The following LRP1B variants were observed in gnomAD, a reference collection of about 807,000 sequenced individuals.
The protein encoded by LRP1B is low-density lipoprotein receptor-related protein 1B.
A neutral mutation model predicts 556.6 loss-of-function variants in LRP1B; 217 were observed. That is an observed-to-expected ratio of 0.39 (90% CI 0.35 to 0.44). The LOEUF is 0.44. Among genes scored for constraint, LRP1B ranks in the 20% least tolerant of loss-of-function variants. The probability of loss-of-function intolerance (pLI) is 1.00; values close to 1 mark genes in which losing one functional copy is unlikely to be tolerated. For missense variants in LRP1B, 5,053 were observed against 5,620.8 expected, an observed-to-expected ratio of 0.90 and a Z score of 3.23; for synonymous variants, 2,047 against 1,865.8, an observed-to-expected ratio of 1.10 and a Z score of -2.50.
chr2:141,743,479 CTTTTTTCTTTTTTTT>C (rs761538539), intron 2 of LRP1B, among the ~76,000 whole-genome samples: 10,324 of 65,940 alleles, frequency 0.16, 363 homozygotes, highest in South Asian at 0.25. Flanking sequence ...CTCTCCTCTG[CTTTTTTCTTTTTTTT>C]TTTTTTCTTT....
At chr2:141,769,299 A>G (rs978356577) in intron 2 of LRP1B, among the ~76,000 whole-genome samples, 2 of 152,228 alleles carry the variant, frequency 1.3e-5, no homozygotes, top group African/African-American at 4.8e-5. Flanking sequence ...TTTCTGCATT[A>G]TTCTGTAATG....
intron 3 of LRP1B, among the ~76,000 whole-genome samples, chr2:141,327,070 C>G (rs771586534): frequency 7.2e-5 from 11 of 152,144 alleles, no homozygotes; most frequent in South Asian, 2.1e-4. Context: ...GGCTTAGTGA[C>G]TGTATGTGGC....
At chr2:140,653,182 A>G (rs577673762) in intron 41 of LRP1B, among the ~76,000 whole-genome samples, 18 of 152,230 alleles carry the variant, frequency 1.2e-4, no homozygotes, top group African/African-American at 3.6e-4. Context: ...ATAGTGGCAG[A>G]AAGTTCAAAA....
At chr2:141,760,270 G>A (rs1694491207) in intron 2 of LRP1B, among the ~76,000 whole-genome samples, 1 of 152,050 alleles carries the variant, frequency 6.6e-6, no homozygotes, top group Admixed American at 6.6e-5. Flanking sequence ...CCATTTGATG[G>A]AATACTAAGA....
At chr2:140,919,733 C>G (rs1230600870) in intron 21 of LRP1B, among the ~76,000 whole-genome samples, 1 of 151,940 alleles carries the variant, frequency 6.6e-6, no homozygotes. Context: ...GGCAGTATCT[C>G]CTTTATTTTA....
chr2:141,226,773 A>G (rs1683266673), intron 6 of LRP1B, among the ~76,000 whole-genome samples: 2 of 152,206 alleles, frequency 1.3e-5, no homozygotes, highest in African/African-American at 2.4e-5. Flanking sequence ...ATCGTATTCA[A>G]TGGCAGCTCT....
At chr2:141,199,585 C>T (rs1392225010) in intron 6 of LRP1B, among the ~76,000 whole-genome samples, 2 of 152,068 alleles carry the variant, frequency 1.3e-5, no homozygotes, top group Admixed American at 1.3e-4. Context: ...TTCTTTGAAC[C>T]TGCAGAGAAA....
intron 2 of LRP1B, among the ~76,000 whole-genome samples, chr2:141,739,493 G>T (rs1391510198): frequency 6.6e-6 from 1 of 152,032 alleles, no homozygotes; most frequent in Non-Finnish European, 1.5e-5. Flanking sequence ...GTCAGAAGTG[G>T]TTTTCAATTC....
chr2:141,835,664 T>A (rs1697253688), intron 1 of LRP1B, among the ~76,000 whole-genome samples: 1 of 152,004 alleles, frequency 6.6e-6, no homozygotes, highest in East Asian at 1.9e-4. Flanking sequence ...AGCATTTTAT[T>A]TACCTCATCT....
intron 3 of LRP1B, among the ~76,000 whole-genome samples, chr2:141,293,006 A>G (rs1385261298): frequency 1.3e-5 from 2 of 152,082 alleles, no homozygotes; most frequent in Non-Finnish European, 2.9e-5. Flanking sequence ...TGGATATTCT[A>G]CGTACTATCT....
chr2:140,574,487 G>T (rs999165266), intron 43 of LRP1B, among the ~76,000 whole-genome samples: 1 of 152,166 alleles, frequency 6.6e-6, no homozygotes, highest in African/African-American at 2.4e-5. Flanking sequence ...ATAACTTAGT[G>T]ATTGGAGGGT....
chr2:140,477,910 C>G (rs1458687556), intron 59 of LRP1B, among the ~76,000 whole-genome samples: 1 of 152,068 alleles, frequency 6.6e-6, no homozygotes, highest in Non-Finnish European at 1.5e-5. Flanking sequence ...TAGCTCAAAT[C>G]AGAGTTTTTC....
At chr2:140,675,783 A>AT (rs1282432050) in intron 41 of LRP1B, among the ~76,000 whole-genome samples, 1 of 152,212 alleles carries the variant, frequency 6.6e-6, no homozygotes, top group East Asian at 1.9e-4. Context: ...TGTCTATAAA[A>AT]TAATATAGAC....
intron 2 of LRP1B, among the ~76,000 whole-genome samples, chr2:141,537,841 G>A (rs1016210015): frequency 6.6e-6 from 1 of 152,084 alleles, no homozygotes; most frequent in Non-Finnish European, 1.5e-5. Context: ...TGTGCTAATA[G>A]ATAAGACAGG....
Position 141,184,953 on chromosome 2 carries a change from G to A in LRP1B, c.1013+3468C>T, listed in dbSNP as rs1486548645. Among the ~76,000 whole-genome samples, 3 of 151,786 alleles carry A rather than the reference G, an allele frequency of 2.0e-5. No homozygotes were observed. In the East Asian group the frequency reaches 5.8e-4, roughly 30 times the overall value. On this transcript the variant is annotated intron_variant, in intron 7 of 90. Coordinates refer to ENST00000389484, the MANE Select transcript of LRP1B (RefSeq NM_018557.3). ...TGTATGAAATAGACCTTTTTAGAAG[G>A]ATTTGTAGTAGAAAGAGAACAAGGT...
At chr2:140,968,238 T>C (rs1696294530) in intron 18 of LRP1B, among the ~76,000 whole-genome samples, 1 of 151,962 alleles carries the variant, frequency 6.6e-6, no homozygotes, top group South Asian at 2.1e-4. Context: ...GGGATTCAAC[T>C]TCTTCCTGGT....
intron 3 of LRP1B, among the ~76,000 whole-genome samples, chr2:141,445,850 T>A (rs954177715): frequency 3.3e-5 from 5 of 152,206 alleles, no homozygotes; most frequent in African/African-American, 9.7e-5. Context: ...ATGTGGTGAA[T>A]TTTAGAATAA....
chr2:140,788,014 G>A (rs1382934907), intron 32 of LRP1B, among the ~76,000 whole-genome samples: 2 of 152,292 alleles, frequency 1.3e-5, no homozygotes, highest in East Asian at 1.9e-4. Flanking sequence ...CAGTTTGGAA[G>A]CACACAAACT....
At chr2:140,819,828 T>C (rs1286353969) in intron 31 of LRP1B, among the ~76,000 whole-genome samples, 1 of 152,286 alleles carries the variant, frequency 6.6e-6, no homozygotes, top group South Asian at 2.1e-4. Flanking sequence ...GGATAACTGA[T>C]ACACATTGTT....
Sources: allele counts gnomAD v4.1 joint callset (sites outside exome capture counted in the v4.1 genomes callset), GRCh38; gene constraint gnomAD v4.1.1; transcripts MANE v1.5; gene names NCBI Gene and HGNC (gene_info 2026-07-23, HGNC 2026-07-21).